CYSLTR2: variants seen among roughly 807,000 people sequenced by gnomAD.
The protein encoded by CYSLTR2 is G-protein coupled receptor GPCR21.
For missense variants in CYSLTR2, 398 were observed against 411.9 expected (o/e 0.97, Z 0.29); for synonymous variants, 179 against 160.8 (o/e 1.11, Z -0.86).
Position 48,707,100 on chromosome 13 carries a change from GCTGA to G in CYSLTR2, c.286_289del (p.Asp96IlefsTer33), listed in dbSNP as rs755960683. ...GTTCATAAGCACGCTTCCCTTCAGGGCTGACTATTATCTTAGAGGCTCCAATTGG... is the reference window on the plus strand; with the variant it reads ...GTTCATAAGCACGCTTCCCTTCAGGGCTATTATCTTAGAGGCTCCAATTGG... On this transcript the variant is annotated frameshift_variant, in exon 5 of 5. Coordinates refer to ENST00000682523, the MANE Select transcript of CYSLTR2 (RefSeq NM_001308476.3). LOFTEE classifies it low-confidence loss of function (END_TRUNC). The G allele has an allele frequency of 1.2e-5, 20 of 1,614,188 alleles. No homozygotes were observed. The highest frequency in any genetic ancestry group is 1.7e-5 in the Non-Finnish European group (20 of 1,180,036).
intron 1 of CYSLTR2, among the ~76,000 whole-genome samples, chr13:48,661,279 CT>C (rs1251154661): frequency 6.6e-6 from 1 of 151,916 alleles, no homozygotes; most frequent in East Asian, 1.9e-4. Context: ...TGATAAGGAG[CT>C]GACGCCGAGG....
At chr13:48,687,697 CT>C (rs1489460043) in intron 1 of CYSLTR2, among the ~76,000 whole-genome samples, 2 of 152,084 alleles carry the variant, frequency 1.3e-5, no homozygotes, top group African/African-American at 4.8e-5. Context: ...CTGTGCTTGA[CT>C]TTTTTGGAGA....
chr13:48,700,212 A>G (rs938539790), intron 4 of CYSLTR2, among the ~76,000 whole-genome samples: 3 of 152,214 alleles, frequency 2.0e-5, no homozygotes, highest in Admixed American at 6.5e-5. Context: ...CAGAGACACA[A>G]CAACAAAAGA....
At position 48,708,200 on chromosome 13, in the gene CYSLTR2, C is replaced by T. The variant is rs200682249; in HGVS notation, c.*342C>T. On this transcript the variant is annotated 3_prime_UTR_variant, in exon 5 of 5. Coordinates refer to ENST00000682523, the MANE Select transcript of CYSLTR2 (RefSeq NM_001308476.3). ...CTTTCTAAATTCTTCAAAAGAGCCA[C>T]AACTTCCCCAGCTTCTCCAGCTCCC... The T allele has an allele frequency of 1.0e-5, 2 of 192,906 alleles. No individual in the cohort carries two copies. Among genetic ancestry groups the T allele is most frequent in the Non-Finnish European group, 2.4e-5 (2 of 84,904 alleles). 11.9% of individuals were successfully genotyped at this position (192,906 alleles called of 1,614,324 possible).
intron 4 of CYSLTR2, among the ~76,000 whole-genome samples, chr13:48,703,436 T>A (rs1263335875): frequency 2.6e-5 from 4 of 152,192 alleles, no homozygotes; most frequent in Non-Finnish European, 5.9e-5. Flanking sequence ...CTATGAAGTA[T>A]AATGTTATCT....
chr13:48,702,844 T>A (rs567927593), intron 4 of CYSLTR2, among the ~76,000 whole-genome samples: 16 of 152,342 alleles, frequency 1.1e-4, no homozygotes, highest in African/African-American at 3.8e-4. Context: ...TACAAGGATT[T>A]TACTGGGAAT....
At chr13:48,664,182 C>T (rs1195705245) in intron 1 of CYSLTR2, among the ~76,000 whole-genome samples, 1 of 151,972 alleles carries the variant, frequency 6.6e-6, no homozygotes, top group African/African-American at 2.4e-5. Flanking sequence ...CCCACTTGAT[C>T]ATGGTGTATT....
chr13:48,691,645 T>A (rs118092765), intron 2 of CYSLTR2, among the ~76,000 whole-genome samples: 1 of 152,034 alleles, frequency 6.6e-6, no homozygotes, highest in Non-Finnish European at 1.5e-5. Flanking sequence ...TGTCATTGAG[T>A]CAAAGCCCCT....
At chr13:48,701,402 A>C (rs1335476382) in intron 4 of CYSLTR2, among the ~76,000 whole-genome samples, 1 of 152,226 alleles carries the variant, frequency 6.6e-6, no homozygotes, top group East Asian at 1.9e-4. Flanking sequence ...CTATTTAATA[A>C]ATGGTGCTGG....
At position 48,707,214 on chromosome 13, in the gene CYSLTR2, A is replaced by C; in HGVS notation, c.397A>C (p.Ser133Arg). 6.2e-7 allele frequency: 1 copy of C among 1,614,016 alleles called. No homozygotes were observed. The highest frequency in any genetic ancestry group is 8.5e-7 in the Non-Finnish European group (1 of 1,179,992). ...CAGTATTTATTTCCTGACCGTGCTG[A>C]GTGTTGTGCGTTTCCTGGCAATGGT... ...YSSIYFLTVL[S>R]VVRFLAMVHP... is the part of the protein sequence containing the mutation. Residue 133 changes from serine (S) to arginine (R), a missense_variant, in exon 5 of 5, where the codon AGT (serine) becomes CGT (arginine). By Grantham distance (110) the Ser-to-Arg change is moderately radical. Coordinates refer to ENST00000682523, the MANE Select transcript of CYSLTR2 (RefSeq NM_001308476.3).
chr13:48,670,116 GA>G (rs1953382667), intron 1 of CYSLTR2, among the ~76,000 whole-genome samples: 1 of 152,168 alleles, frequency 6.6e-6, no homozygotes, highest in Non-Finnish European at 1.5e-5. Context: ...CCCACTTTTT[GA>G]TGGGGTTTTT....
chr13:48,667,233 G>T (rs1235257565), intron 1 of CYSLTR2, among the ~76,000 whole-genome samples: 1 of 152,214 alleles, frequency 6.6e-6, no homozygotes, highest in Non-Finnish European at 1.5e-5. Flanking sequence ...GTGATAGCCA[G>T]ATGTGGGCTT....
intron 1 of CYSLTR2, among the ~76,000 whole-genome samples, chr13:48,689,288 C>T (rs576111759): frequency 3.4e-4 from 52 of 152,194 alleles, no homozygotes; most frequent in South Asian, 4.1e-4. Context: ...TTTTGGCTTT[C>T]GTTGCTCTTG....
In CYSLTR2 at chr13:48,707,928, CTT is replaced by C; in HGVS notation, c.*72_*73del. 10 of 1,283,318 alleles carry C rather than the reference CTT, an allele frequency of 7.8e-6. No individual in the cohort carries two copies. The highest frequency in any genetic ancestry group is 1.0e-5 in the Non-Finnish European group (10 of 954,852). The allele number at this position is 1,283,318 out of a possible 1,614,324, so 79.5% of individuals were successfully genotyped here. A position where few individuals can be genotyped will look rare whatever the true frequency, so the allele number is the denominator to read the frequency against. ...TCATTCACTCATAGTCTCCAAATGA[CTT>C]TGTATTTACATCACTCCCAACAAAT... On this transcript the variant is annotated 3_prime_UTR_variant, in exon 5 of 5. Transcript: ENST00000682523.
intron 1 of CYSLTR2, among the ~76,000 whole-genome samples, chr13:48,676,737 A>T (rs982703518): frequency 6.6e-6 from 1 of 152,230 alleles, no homozygotes; most frequent in Non-Finnish European, 1.5e-5. Context: ...AAAATGTTGG[A>T]ACTATAGCTC....
At chr13:48,704,328 G>C (rs1251667822) in intron 4 of CYSLTR2, among the ~76,000 whole-genome samples, 1 of 152,160 alleles carries the variant, frequency 6.6e-6, no homozygotes, top group Admixed American at 6.5e-5. Context: ...TTCAAGACCA[G>C]CCTGTGCAAC....
chr13:48,707,939 C>A lies in CYSLTR2; in HGVS notation c.*81C>A. The A allele has an allele frequency of 8.7e-7, 1 of 1,144,554 alleles. No homozygotes were observed. Among genetic ancestry groups the A allele is most frequent in the Non-Finnish European group, 1.2e-6 (1 of 835,680 alleles). 70.9% of individuals were successfully genotyped at this position (1,144,554 alleles called of 1,614,324 possible). ...TAGTCTCCAAATGACTTTGTATTTACATCACTCCCAACAAATGTTGATTCT... is the reference window on the plus strand; with the variant it reads ...TAGTCTCCAAATGACTTTGTATTTAAATCACTCCCAACAAATGTTGATTCT... On this transcript the variant is annotated 3_prime_UTR_variant, in exon 5 of 5. Coordinates refer to ENST00000682523, the MANE Select transcript of CYSLTR2 (RefSeq NM_001308476.3).
At chr13:48,669,454 T>C (rs1029966277) in intron 1 of CYSLTR2, among the ~76,000 whole-genome samples, 1 of 150,534 alleles carries the variant, frequency 6.6e-6, no homozygotes. Flanking sequence ...AAGGCCCCAG[T>C]GTGTGATGTT....
At position 48,707,098 on chromosome 13, in the gene CYSLTR2, G is replaced by A. The variant is rs1319359208; in HGVS notation, c.281G>A (p.Arg94Lys). The A allele has an allele frequency of 6.2e-7, 1 of 1,614,024 alleles. No individual in the cohort carries two copies. Among genetic ancestry groups the A allele is most frequent in the South Asian group, 1.1e-5 (1 of 91,082 alleles). The stretch of plus-strand genomic sequence containing the variant: ...CTGTTCATAAGCACGCTTCCCTTCA[G>A]GGCTGACTATTATCTTAGAGGCTCC... The part of the protein sequence containing the change: ...DLLFISTLPF[R>K]ADYYLRGSNW... Residue 94 changes from arginine to lysine, a missense_variant, in exon 5 of 5, where the codon AGG (arginine) becomes AAG (lysine). Physicochemically the swap from Arg to Lys is conservative, Grantham distance 26. Transcript: ENST00000682523.
Sources: gnomAD v4.1 joint callset for allele counts (sites outside exome capture counted in the v4.1 genomes callset) on GRCh38, gnomAD v4.1.1 for gene constraint, MANE v1.5 for transcripts, NCBI Gene and HGNC (gene_info 2026-07-23, HGNC 2026-07-21) for gene names.